GABRG3: variants seen among roughly 807,000 people sequenced by gnomAD.
GABRG3 encodes gamma-aminobutyric acid receptor subunit gamma-3.
GABRG3 carries 25 observed loss-of-function variants against 48.8 expected under a neutral mutation model. The observed-to-expected ratio is 0.51, with a 90% CI of 0.37 to 0.72. The LOEUF is 0.72. Among genes scored for constraint, GABRG3 ranks in the 30% least tolerant of loss-of-function variants. GABRG3 has a pLI of 0.00. For missense variants in GABRG3, 394 were observed against 577.9 expected, an observed-to-expected ratio of 0.68 and a Z score of 3.26; for synonymous variants, 227 against 217.6, an observed-to-expected ratio of 1.04 and a Z score of -0.38.
chr15:27,218,892 G>T (rs558243774), intron 3 of GABRG3, among the ~76,000 whole-genome samples: 1 of 152,138 alleles, frequency 6.6e-6, no homozygotes, highest in African/African-American at 2.4e-5. Context: ...CACACACGGA[G>T]AGGAAGTTAG....
At chr15:27,377,447 A>C (rs917400756) in intron 5 of GABRG3, among the ~76,000 whole-genome samples, 1 of 152,180 alleles carries the variant, frequency 6.6e-6, no homozygotes, top group Admixed American at 6.5e-5. Context: ...TGGAAAGAAA[A>C]AGAGGTTTAA....
intron 3 of GABRG3, among the ~76,000 whole-genome samples, chr15:27,059,551 C>A (rs954433248): frequency 2.6e-5 from 4 of 152,132 alleles, no homozygotes; most frequent in African/African-American, 4.8e-5. Context: ...AGATATAGTT[C>A]CAAATCAAGA....
chr15:27,491,184 C>T (rs377631731), intron 6 of GABRG3, among the ~76,000 whole-genome samples: 1 of 152,232 alleles, frequency 6.6e-6, no homozygotes, highest in African/African-American at 2.4e-5. Context: ...AGCCCAGCTC[C>T]CTCAGCCCTC....
chr15:27,207,226 C>G (rs1289270662), intron 3 of GABRG3, among the ~76,000 whole-genome samples: 1 of 152,180 alleles, frequency 6.6e-6, no homozygotes, highest in Non-Finnish European at 1.5e-5. Flanking sequence ...CTCACCAACA[C>G]TGTAATTCAG....
chr15:27,425,283 C>T (rs1888256525), intron 5 of GABRG3, among the ~76,000 whole-genome samples: 1 of 151,916 alleles, frequency 6.6e-6, no homozygotes, highest in South Asian at 2.1e-4. Context: ...GTTCTGAGTC[C>T]TTCTAGTGAA....
At chr15:26,989,528 T>A (rs1260469720) in intron 2 of GABRG3, among the ~76,000 whole-genome samples, 1 of 152,226 alleles carries the variant, frequency 6.6e-6, no homozygotes, top group Non-Finnish European at 1.5e-5. Context: ...TTTATGCTTA[T>A]GAGGTACATG....
At chr15:27,459,297 C>T (rs186628531) in intron 5 of GABRG3, among the ~76,000 whole-genome samples, 16 of 152,268 alleles carry the variant, frequency 1.1e-4, no homozygotes, top group Admixed American at 3.9e-4. Context: ...CACACATCAC[C>T]GCATGCATGG....
At chr15:27,259,697 G>A (rs960722017) in intron 3 of GABRG3, among the ~76,000 whole-genome samples, 5 of 152,098 alleles carry the variant, frequency 3.3e-5, no homozygotes, top group African/African-American at 1.2e-4. Context: ...GAGAGGGAAG[G>A]TGCATATTCA....
intron 3 of GABRG3, among the ~76,000 whole-genome samples, chr15:27,030,858 T>C (rs1372685930): frequency 6.6e-6 from 1 of 152,126 alleles, no homozygotes; most frequent in Non-Finnish European, 1.5e-5. Context: ...CCTGGCTTTG[T>C]TTCCTAGTCA....
chr15:27,184,609 G>T (rs1194386738), intron 3 of GABRG3, among the ~76,000 whole-genome samples: 1 of 152,194 alleles, frequency 6.6e-6, no homozygotes, highest in African/African-American at 2.4e-5. Context: ...GTATAAAATT[G>T]TTGTTGTTAA....
chr15:27,087,263 C>T (rs1897092966), intron 3 of GABRG3, among the ~76,000 whole-genome samples: 1 of 152,190 alleles, frequency 6.6e-6, no homozygotes, highest in Non-Finnish European at 1.5e-5. Flanking sequence ...GGAGCCTTGA[C>T]CTCTGGGGAC....
chr15:27,023,595 C>T (rs2140679741), intron 2 of GABRG3, among the ~76,000 whole-genome samples: 1 of 152,328 alleles, frequency 6.6e-6, no homozygotes, highest in East Asian at 1.9e-4. Flanking sequence ...TTTCACTTAG[C>T]ATAATGTCCT....
chr15:27,209,396 TC>T (rs1450934655), intron 3 of GABRG3, among the ~76,000 whole-genome samples: 2 of 151,952 alleles, frequency 1.3e-5, no homozygotes, highest in African/African-American at 4.8e-5. Context: ...TTCTTTCTTT[TC>T]TTTTTTTTTT....
rs182850883 is a variant in GABRG3, at chr15:27,429,613, C to T, written c.575-51037C>T. On this transcript the variant is annotated intron_variant, in intron 5 of 9. Coordinates refer to ENST00000615808, the MANE Select transcript of GABRG3 (RefSeq NM_033223.5). ...TTCCCCAGATCCTGGCAATCATGCT[C>T]GGTACTTGAATTTGCTTCCTTTCAG... Among the ~76,000 whole-genome samples the T allele has an allele frequency of 1.5e-3, 230 of 152,260 alleles. 2 individuals are homozygous for T. Among genetic ancestry groups the T allele is most frequent in the Non-Finnish European group, 1.1e-3 (78 of 68,016 alleles).
At chr15:27,111,437 T>C (rs1216163919) in intron 3 of GABRG3, among the ~76,000 whole-genome samples, 1 of 152,226 alleles carries the variant, frequency 6.6e-6, no homozygotes, top group Non-Finnish European at 1.5e-5. Context: ...TTGATGTGCC[T>C]TGTACTTTTT....
chr15:27,414,432 A>C (rs1014764390), intron 5 of GABRG3, among the ~76,000 whole-genome samples: 3 of 152,102 alleles, frequency 2.0e-5, no homozygotes, highest in African/African-American at 7.2e-5. Context: ...CCAAGTCTGG[A>C]AGAGGCCCAG....
intron 5 of GABRG3, among the ~76,000 whole-genome samples, chr15:27,402,791 C>T (rs1229352869): frequency 6.6e-6 from 1 of 152,128 alleles, no homozygotes; most frequent in Non-Finnish European, 1.5e-5. Context: ...AGAAAATATA[C>T]CATAAGCAAC....
At chr15:27,240,369 T>A (rs1890097528) in intron 3 of GABRG3, among the ~76,000 whole-genome samples, 1 of 152,140 alleles carries the variant, frequency 6.6e-6, no homozygotes, top group African/African-American at 2.4e-5. Flanking sequence ...TTAGAGAAGG[T>A]AGGAGCCTTG....
intron 3 of GABRG3, among the ~76,000 whole-genome samples, chr15:27,224,080 G>A (rs1006314264): frequency 2.0e-5 from 3 of 152,150 alleles, no homozygotes; most frequent in East Asian, 3.9e-4. Flanking sequence ...GGAAGTACCA[G>A]GTGATGTACG....
Sources: allele counts gnomAD v4.1 joint callset (sites outside exome capture counted in the v4.1 genomes callset), GRCh38; gene constraint gnomAD v4.1.1; transcripts MANE v1.5; gene names NCBI Gene and HGNC (gene_info 2026-07-23, HGNC 2026-07-21).